BRAF: variants seen among roughly 807,000 people sequenced by gnomAD.
The protein encoded by BRAF is B-Raf proto-oncogene, serine/threonine kinase.
A neutral mutation model predicts 104.6 loss-of-function variants in BRAF; 16 were observed. The observed-to-expected ratio is 0.15, with a 90% CI of 0.10 to 0.23. The LOEUF is 0.23. Ranked by LOEUF, BRAF falls within the 10% of genes least tolerant of loss-of-function variation. The pLI is 1.00. For synonymous variants in BRAF, 310 were observed against 341.6 expected, an observed-to-expected ratio of 0.91 and a Z score of 1.02; for missense variants, 541 against 937.3, an observed-to-expected ratio of 0.58 and a Z score of 5.52.
Position 140,917,910 on chromosome 7 carries a change from G to T in BRAF, c.138+6656C>A, listed in dbSNP as rs527289589. 1.3e-3 allele frequency among the ~76,000 whole-genome samples: 203 copies of T among 152,256 alleles called. 1 individual carries two copies. The highest frequency in any genetic ancestry group is 4.4e-3 in the African/African-American group (184 of 41,566). ...TACTGGAACAGAGTCAAACTCATTT[G>T]TTTAAATATTGTCTATTAGCTACTT... On this transcript the variant is annotated intron_variant, in intron 1 of 19. Coordinates refer to ENST00000644969, the MANE Select transcript of BRAF (RefSeq NM_001374258.1).
Position 140,721,722 on chromosome 7 carries a change from T to C in BRAF, c.*4772A>G, listed in dbSNP as rs577707683. 5.9e-6 allele frequency: 9 copies of C among 1,520,756 alleles called. No homozygotes were observed. Among genetic ancestry groups the C allele is most frequent in the East Asian group, 2.5e-5 (1 of 40,160 alleles). The allele number at this position is 1,520,756 out of a possible 1,614,324, so 94.2% of individuals were successfully genotyped here. A position where few individuals can be genotyped will look rare whatever the true frequency, so the allele number is the denominator to read the frequency against. On this transcript the variant is annotated 3_prime_UTR_variant, in exon 20 of 20. Coordinates refer to ENST00000644969, the MANE Select transcript of BRAF (RefSeq NM_001374258.1). Reference sequence around the variant, plus strand: ...TCAAGGATGTGCTGGAGACAATACATGGACTTTCTCTTTCAATGGTGAGGA... The same window carrying C: ...TCAAGGATGTGCTGGAGACAATACACGGACTTTCTCTTTCAATGGTGAGGA...
intron 14 of BRAF, among the ~76,000 whole-genome samples, chr7:140,770,506 T>C (rs1332832868): frequency 8.4e-6 from 1 of 119,698 alleles, no homozygotes; most frequent in Non-Finnish European, 1.7e-5. Context: ...ATAAATATTA[T>C]ACTGAAATTA....
intron 1 of BRAF, among the ~76,000 whole-genome samples, chr7:140,902,127 T>A (rs1815717180): frequency 2.6e-5 from 4 of 152,230 alleles, no homozygotes; most frequent in Admixed American, 2.6e-4. Flanking sequence ...CAACCCAGCA[T>A]CGAGCAAATC....
chr7:140,781,442 A>G (rs1290378368), intron 12 of BRAF, 134 bp downstream of exon 11: 2 of 892,086 alleles, frequency 2.2e-6, no homozygotes, highest in Admixed American at 3.6e-5. Context: ...CTTTTGGAGG[A>G]GTCCTGAAAC....
At chr7:140,763,956 A>C (rs972924295) in intron 14 of BRAF, among the ~76,000 whole-genome samples, 6 of 152,200 alleles carry the variant, frequency 3.9e-5, no homozygotes, top group Non-Finnish European at 7.3e-5. Flanking sequence ...ATGAGGCCAG[A>C]ATCATCCTGA....
intron 18 of BRAF, among the ~76,000 whole-genome samples, chr7:140,736,607 A>T (rs1218877622): frequency 6.6e-6 from 1 of 151,346 alleles, no homozygotes; most frequent in African/African-American, 2.4e-5. Flanking sequence ...TTGTATTCTT[A>T]GTAGAGTCAG....
At chr7:140,861,234 A>G (rs1810383146) in intron 1 of BRAF, among the ~76,000 whole-genome samples, 1 of 152,212 alleles carries the variant, frequency 6.6e-6, no homozygotes, top group Non-Finnish European at 1.5e-5. Flanking sequence ...ATTTACAGAG[A>G]AAGTTCACAG....
At chr7:140,893,442 G>A (rs1814504395) in intron 1 of BRAF, among the ~76,000 whole-genome samples, 1 of 151,942 alleles carries the variant, frequency 6.6e-6, no homozygotes, top group African/African-American at 2.4e-5. Context: ...GTGGAGACGG[G>A]GTTTCACCAT....
intron 3 of BRAF, among the ~76,000 whole-genome samples, chr7:140,833,024 C>A (rs1289439500): frequency 1.3e-5 from 2 of 152,044 alleles, no homozygotes; most frequent in Non-Finnish European, 2.9e-5. Context: ...CAGGCACCCA[C>A]CACCACGCCC....
intron 1 of BRAF, among the ~76,000 whole-genome samples, chr7:140,911,646 G>A (rs1466206929): frequency 1.3e-5 from 2 of 152,150 alleles, no homozygotes; most frequent in Non-Finnish European, 2.9e-5. Context: ...GGAAAAACAT[G>A]AGCAAAGACA....
chr7:140,774,939 GTC>G (rs758380815), intron 14 of BRAF, among the ~76,000 whole-genome samples: 2 of 152,064 alleles, frequency 1.3e-5, no homozygotes, highest in Non-Finnish European at 2.9e-5. Context: ...AGTATGCCAG[GTC>G]CCATTCTAGG....
chr7:140,757,524 G>A (rs1231392923), intron 14 of BRAF, among the ~76,000 whole-genome samples: 2 of 152,126 alleles, frequency 1.3e-5, no homozygotes, highest in African/African-American at 4.8e-5. Flanking sequence ...TCTTGACCTC[G>A]TGATCTGCCT....
In BRAF at chr7:140,834,876, T is replaced by C. The variant is rs1807153730; in HGVS notation, c.241-4A>G. 2 of 1,613,690 alleles carry C rather than the reference T, an allele frequency of 1.2e-6. No homozygotes were observed. The highest frequency in any genetic ancestry group is 2.2e-5 in the East Asian group (1 of 44,874). On this transcript the variant is annotated splice_polypyrimidine_tract_variant and splice_region_variant and intron_variant, in intron 2 of 19. Coordinates refer to ENST00000644969, the MANE Select transcript of BRAF (RefSeq NM_001374258.1). Reference sequence around the variant, plus strand: ...TGCTGGTGTATTCTTCATAGGCCTATAAAATAAAGCAGACTTATATTCAAT... The same window carrying C: ...TGCTGGTGTATTCTTCATAGGCCTACAAAATAAAGCAGACTTATATTCAAT...
intron 1 of BRAF, among the ~76,000 whole-genome samples, chr7:140,911,335 T>TG (rs1816947474): frequency 6.6e-6 from 1 of 152,172 alleles, no homozygotes; most frequent in South Asian, 2.1e-4. Context: ...AGTAGCCACA[T>TG]AGATACGGCT....
At chr7:140,872,131 T>G (rs1811663881) in intron 1 of BRAF, among the ~76,000 whole-genome samples, 1 of 152,004 alleles carries the variant, frequency 6.6e-6, no homozygotes, top group South Asian at 2.1e-4. Context: ...AGGAGAATCA[T>G]TTGAATCTGG....
At position 140,801,392 on chromosome 7, in the gene BRAF, GAT is replaced by G; in HGVS notation, c.860+18_860+19del. The G allele has an allele frequency of 6.2e-7, 1 of 1,612,624 alleles. No homozygotes were observed. Among genetic ancestry groups the G allele is most frequent in the Non-Finnish European group, 8.5e-7 (1 of 1,178,824 alleles). The stretch of plus-strand genomic sequence containing the variant: ...AGTGTAAAATGGTAGGTAGAAAAGA[GAT>G]ATTTTTGGATTACTTACTCAAGTTG... On this transcript the variant is annotated intron_variant, in intron 6 of 19. Coordinates refer to ENST00000644969, the MANE Select transcript of BRAF (RefSeq NM_001374258.1).
At chr7:140,738,405 C>T (rs1796619929) in intron 18 of BRAF, among the ~76,000 whole-genome samples, 1 of 152,122 alleles carries the variant, frequency 6.6e-6, no homozygotes, top group South Asian at 2.1e-4. Flanking sequence ...ACTGGGCATT[C>T]AAAGGCCTAA....
rs192693304 is a variant in BRAF, at chr7:140,848,744, T to C, written c.240+1367A>G. On this transcript the variant is annotated intron_variant, in intron 2 of 19. Transcript: ENST00000644969. Reference sequence around the variant, plus strand: ...CTCCTAATAATATATGTATAGAAGATAGCACAGGCTATTAGGAAGTACACT... The same window carrying C: ...CTCCTAATAATATATGTATAGAAGACAGCACAGGCTATTAGGAAGTACACT... 1.2e-4 allele frequency among the ~76,000 whole-genome samples: 19 copies of C among 152,300 alleles called. No homozygotes were observed. The South Asian group carries it at 1.4e-3, about 12-fold the overall frequency.
intron 1 of BRAF, among the ~76,000 whole-genome samples, chr7:140,915,996 AC>A (rs113964665): frequency 0.11 from 16,670 of 151,148 alleles, 1,109 homozygotes; most frequent in African/African-American, 0.19. Context: ...AAACAAACAA[AC>A]AAAAAAAACC....
Sources: gnomAD v4.1 joint callset for allele counts (sites outside exome capture counted in the v4.1 genomes callset) on GRCh38, gnomAD v4.1.1 for gene constraint, MANE v1.5 for transcripts, NCBI Gene and HGNC (gene_info 2026-07-23, HGNC 2026-07-21) for gene names.